MARCHF4: variants seen among roughly 807,000 people sequenced by gnomAD.
MARCHF4 encodes E3 ubiquitin-protein ligase MARCHF4.
MARCHF4 carries 14 observed loss-of-function variants against 43.9 expected under a neutral mutation model. The observed-to-expected ratio is 0.32, with a 90% CI of 0.21 to 0.50. The LOEUF (loss-of-function observed/expected upper bound fraction) is 0.50, where lower values mean the gene tolerates loss of function less well. Among genes scored for constraint, MARCHF4 ranks in the 20% least tolerant of loss-of-function variants. The probability of loss-of-function intolerance (pLI) is 0.98; values close to 1 mark genes in which losing one functional copy is unlikely to be tolerated. For missense variants in MARCHF4, 468 were observed against 536.7 expected (o/e 0.87, Z 1.27); for synonymous variants, 226 against 213.3 (o/e 1.06, Z -0.52).
chr2:216,337,814 C>T (rs1397517), intron 1 of MARCHF4, among the ~76,000 whole-genome samples: 8,237 of 152,216 alleles, frequency 0.054, 336 homozygotes, highest in South Asian at 0.2. Flanking sequence ...TTTTTTAACA[C>T]TTACATGTTG....
intron 3 of MARCHF4, among the ~76,000 whole-genome samples, chr2:216,268,230 C>G (rs56064549): frequency 1.3e-5 from 2 of 152,150 alleles, no homozygotes; most frequent in Non-Finnish European, 2.9e-5. Flanking sequence ...TGGAGGTTGT[C>G]GGTTTCACCC....
chr2:216,325,029 C>T (rs1218129511), intron 1 of MARCHF4, among the ~76,000 whole-genome samples: 1 of 152,010 alleles, frequency 6.6e-6, no homozygotes, highest in Admixed American at 6.6e-5. Flanking sequence ...CAAATTGTCC[C>T]TGTTTGCAGA....
At chr2:216,296,946 T>A (rs944806939) in intron 1 of MARCHF4, among the ~76,000 whole-genome samples, 1 of 152,188 alleles carries the variant, frequency 6.6e-6, no homozygotes, top group African/African-American at 2.4e-5. Context: ...GGGAGATTGA[T>A]GCCTCGTCGT....
intron 1 of MARCHF4, among the ~76,000 whole-genome samples, chr2:216,290,024 G>C (rs1166347748): frequency 6.6e-6 from 1 of 152,128 alleles, no homozygotes; most frequent in Non-Finnish European, 1.5e-5. Flanking sequence ...TATGTTCCAG[G>C]TTTTGTTTTA....
chr2:216,312,096 T>C (rs1691695973), intron 1 of MARCHF4, among the ~76,000 whole-genome samples: 1 of 152,174 alleles, frequency 6.6e-6, no homozygotes, highest in Admixed American at 6.5e-5. Flanking sequence ...GAACATTGTG[T>C]CCATCAGATA....
chr2:216,335,940 A>C lies in MARCHF4; in HGVS notation c.516+33805T>G, dbSNP rs111366436. On this transcript the variant is annotated intron_variant, in intron 1 of 3. Transcript: ENST00000273067. ...AAAATTAGCTGGGCATGGTGGCACA[A>C]ACCTGTAATTCCAGCTACTTAGGAG... 7.7e-3 allele frequency among the ~76,000 whole-genome samples: 1,174 copies of C among 151,686 alleles called. 12 individuals are homozygous for C. The highest frequency in any genetic ancestry group is 0.027 in the African/African-American group (1,108 of 41,378).
intron 1 of MARCHF4, among the ~76,000 whole-genome samples, chr2:216,284,018 G>C (rs1391660216): frequency 6.6e-6 from 1 of 152,204 alleles, no homozygotes; most frequent in Non-Finnish European, 1.5e-5. Context: ...GCTGGTTTCT[G>C]CGGAAGCCTC....
intron 1 of MARCHF4, among the ~76,000 whole-genome samples, chr2:216,287,972 T>C (rs942613223): frequency 2.6e-5 from 4 of 152,086 alleles, no homozygotes; most frequent in Non-Finnish European, 5.9e-5. Context: ...ATTTTTTTTT[T>C]CCTTTGAGAC....
intron 3 of MARCHF4, 30 bp downstream of exon 3, chr2:216,277,642 C>A (rs1691048488): frequency 1.3e-6 from 2 of 1,565,040 alleles, no homozygotes; most frequent in Non-Finnish European, 1.7e-6. Flanking sequence ...TGGTTCCCCA[C>A]TTCCCATGGA....
At chr2:216,276,944 G>A (rs1691033973) in intron 3 of MARCHF4, among the ~76,000 whole-genome samples, 1 of 152,198 alleles carries the variant, frequency 6.6e-6, no homozygotes, top group South Asian at 2.1e-4. Flanking sequence ...GTCAGAGAAG[G>A]AGCAGGATCT....
chr2:216,289,064 TA>T (rs1691264408), intron 1 of MARCHF4, among the ~76,000 whole-genome samples: 9 of 147,782 alleles, frequency 6.1e-5, no homozygotes, highest in East Asian at 2.0e-4. Flanking sequence ...TATATATATA[TA>T]TATTTATTTT....
intron 1 of MARCHF4, among the ~76,000 whole-genome samples, chr2:216,344,935 A>G (rs921140360): frequency 1.3e-5 from 2 of 151,840 alleles, no homozygotes; most frequent in East Asian, 3.9e-4. Flanking sequence ...GGGAGAGTCT[A>G]GGTAAAAATA....
chr2:216,274,862 G>A (rs866835498), intron 3 of MARCHF4, among the ~76,000 whole-genome samples: 2 of 151,204 alleles, frequency 1.3e-5, no homozygotes, highest in South Asian at 4.2e-4. Context: ...CTCTGAAATG[G>A]TATAGGTTCT....
At chr2:216,359,729 G>A (rs975106908) in intron 1 of MARCHF4, among the ~76,000 whole-genome samples, 2 of 152,184 alleles carry the variant, frequency 1.3e-5, no homozygotes, top group Admixed American at 1.3e-4. Flanking sequence ...CTTTCACGCT[G>A]AGACCCCTTC....
intron 1 of MARCHF4, among the ~76,000 whole-genome samples, chr2:216,331,346 T>G (rs1574479844): frequency 6.6e-6 from 1 of 152,000 alleles, no homozygotes; most frequent in East Asian, 1.9e-4. Context: ...CTAAATCAAT[T>G]AAATATATAA....
intron 3 of MARCHF4, among the ~76,000 whole-genome samples, chr2:216,265,282 C>T (rs1690826650): frequency 6.6e-6 from 1 of 152,138 alleles, no homozygotes; most frequent in African/African-American, 2.4e-5. Context: ...TAGTGGTCAC[C>T]TACAATGTAC....
At chr2:216,350,438 T>G (rs1420025522) in intron 1 of MARCHF4, among the ~76,000 whole-genome samples, 1 of 150,218 alleles carries the variant, frequency 6.7e-6, no homozygotes, top group Admixed American at 6.6e-5. Context: ...ATGCCAGAAC[T>G]GCACACTATG....
chr2:216,365,255 T>C (rs1692646169), intron 1 of MARCHF4, among the ~76,000 whole-genome samples: 1 of 152,220 alleles, frequency 6.6e-6, no homozygotes, highest in African/African-American at 2.4e-5. Flanking sequence ...CTCTATACAA[T>C]TATTGCCCCT....
chr2:216,315,803 C>T (rs1215001596), intron 1 of MARCHF4, among the ~76,000 whole-genome samples: 2 of 152,106 alleles, frequency 1.3e-5, no homozygotes, highest in Non-Finnish European at 2.9e-5. Context: ...AATGAGTGTG[C>T]ATTACCGTTT....
Sources: allele counts gnomAD v4.1 joint callset (sites outside exome capture counted in the v4.1 genomes callset), GRCh38; gene constraint gnomAD v4.1.1; transcripts MANE v1.5; gene names NCBI Gene and HGNC (gene_info 2026-07-23, HGNC 2026-07-21).